Variants in ALK observed in about 807,000 individuals in gnomAD.
ALK encodes ALK receptor tyrosine kinase.
In ALK, 74 loss-of-function variants were observed where a neutral mutation model predicts 163.1. The ratio of observed to expected loss-of-function variants is 0.45; its 90% CI spans 0.38 to 0.55. ALK has a LOEUF of 0.55. Ranked by LOEUF, ALK falls within the 20% of genes least tolerant of loss-of-function variation. ALK has a pLI of 0.00. For synonymous variants in ALK, 960 were observed against 843.2 expected (o/e 1.14, Z -2.40); for missense variants, 2,063 against 2,105.3 (o/e 0.98, Z 0.39).
intron 3 of ALK, among the ~76,000 whole-genome samples, chr2:29,628,280 T>G (rs1676254700): frequency 6.6e-6 from 1 of 152,214 alleles, no homozygotes; most frequent in Non-Finnish European, 1.5e-5. Flanking sequence ...CCTTACATCC[T>G]CCCACAAAAC....
At position 29,801,238 on chromosome 2, in the gene ALK, G is replaced by A. The variant is rs186788450; in HGVS notation, c.668-83541C>T. 1.6e-3 allele frequency among the ~76,000 whole-genome samples: 249 copies of A among 152,008 alleles called. 2 individuals carry two copies. Among genetic ancestry groups the A allele is most frequent in the African/African-American group, 5.6e-3 (234 of 41,460 alleles). ...AGTAGGCGAAGAAAACAAGAAACAT[G>A]GAAAACAATAACCCATTTGCTTTCC... On this transcript the variant is annotated intron_variant, in intron 1 of 28. Transcript: ENST00000389048.
chr2:29,870,784 A>G (rs1558526875), intron 1 of ALK, among the ~76,000 whole-genome samples: 1 of 152,312 alleles, frequency 6.6e-6, no homozygotes, highest in East Asian at 1.9e-4. Flanking sequence ...GAATTTTCTT[A>G]TCTACTTCAT....
chr2:29,445,090 T>C (rs1670639358), intron 4 of ALK, among the ~76,000 whole-genome samples: 1 of 152,178 alleles, frequency 6.6e-6, no homozygotes, highest in Admixed American at 6.5e-5. Flanking sequence ...ATTGTGTGTC[T>C]CCCCTGAGCC....
chr2:29,458,933 C>T (rs1671021461), intron 4 of ALK, among the ~76,000 whole-genome samples: 1 of 152,126 alleles, frequency 6.6e-6, no homozygotes, highest in Non-Finnish European at 1.5e-5. Flanking sequence ...CTGCTTTTGC[C>T]TCACTGAGTG....
In ALK at chr2:29,229,053, G is replaced by A. The variant is rs2148180721; in HGVS notation, c.2646C>T (p.Gly882=). ...AGAGCAAGGAAGTGTTATCATTCCA[G>A]CCACCTCCACCACCTGCGGGAAGAG... ...GNSGAAGGGG[G]WNDNTSLLWA... is the part of the protein sequence containing the mutation. The change falls in exon 16 of 29, where the codon GGC becomes GGT. Residue 882 remains glycine (G), a synonymous_variant. Coordinates refer to ENST00000389048, the MANE Select transcript of ALK (RefSeq NM_004304.5). 6.2e-7 allele frequency: 1 copy of A among 1,613,590 alleles called. No individual in the cohort carries two copies. The highest frequency in any genetic ancestry group is 2.2e-5 in the East Asian group (1 of 44,798).
chr2:29,645,218 T>A (rs1197408609), intron 3 of ALK, among the ~76,000 whole-genome samples: 1 of 152,162 alleles, frequency 6.6e-6, no homozygotes, highest in Admixed American at 6.5e-5. Flanking sequence ...TTTGGGAAAT[T>A]ATCAAAATAA....
chr2:29,757,591 GTT>G (rs1395485457), intron 1 of ALK, among the ~76,000 whole-genome samples: 79 of 78,610 alleles, frequency 1.0e-3, no homozygotes, highest in East Asian at 3.0e-3. Context: ...GTTTTTGTTT[GTT>G]TGTGTGTGTG....
intron 8 of ALK, among the ~76,000 whole-genome samples, chr2:29,310,373 T>G (rs545699590): frequency 1.3e-5 from 2 of 152,324 alleles, no homozygotes; most frequent in East Asian, 1.9e-4. Flanking sequence ...AATCAATATT[T>G]GAAAACTACA....
intron 1 of ALK, among the ~76,000 whole-genome samples, chr2:29,818,824 G>A (rs11897665): frequency 0.26 from 39,192 of 152,202 alleles, 6,894 homozygotes; most frequent in African/African-American, 0.51. Context: ...TCTTGGTTCT[G>A]CACTCTAGCT....
chr2:29,908,563 G>C (rs1667615306), intron 1 of ALK, among the ~76,000 whole-genome samples: 1 of 152,164 alleles, frequency 6.6e-6, no homozygotes, highest in Non-Finnish European at 1.5e-5. Flanking sequence ...ATCATTCTCA[G>C]CAGATATCCT....
intron 1 of ALK, among the ~76,000 whole-genome samples, chr2:29,899,074 G>T (rs1452391356): frequency 1.3e-5 from 2 of 152,134 alleles, no homozygotes; most frequent in African/African-American, 4.8e-5. Context: ...CCCAGGACCG[G>T]CAGGTTTTGT....
chr2:29,726,407 A>G lies in ALK; in HGVS notation c.668-8710T>C, dbSNP rs1486069529. Among the ~76,000 whole-genome samples the G allele has an allele frequency of 2.0e-5, 3 of 152,208 alleles. No individual in the cohort carries two copies. In the East Asian group the frequency reaches 5.8e-4, roughly 29 times the overall value. On this transcript the variant is annotated intron_variant, in intron 1 of 28. Transcript: ENST00000389048. ...TTACCAAGCACTAAATAATTAATATACTGAAAGCGATACAAAGACACAAAG... is the reference window on the plus strand; with the variant it reads ...TTACCAAGCACTAAATAATTAATATGCTGAAAGCGATACAAAGACACAAAG...
At chr2:29,831,164 G>A (rs1241615589) in intron 1 of ALK, among the ~76,000 whole-genome samples, 2 of 44,000 alleles carry the variant, frequency 4.5e-5, no homozygotes, top group Non-Finnish European at 8.8e-5. Flanking sequence ...GGAAGAAGGA[G>A]AAGAGGAAGA....
chr2:29,247,130 C>T (rs577009693), intron 12 of ALK, among the ~76,000 whole-genome samples: 9 of 152,130 alleles, frequency 5.9e-5, no homozygotes, highest in Admixed American at 3.9e-4. Context: ...CCGGCCTCCG[C>T]GGCAGCGCCT....
At chr2:29,639,544 A>C (rs1676640174) in intron 3 of ALK, among the ~76,000 whole-genome samples, 1 of 152,252 alleles carries the variant, frequency 6.6e-6, no homozygotes, top group African/African-American at 2.4e-5. Flanking sequence ...ATAATTTAAT[A>C]AACTGAGACC....
intron 1 of ALK, among the ~76,000 whole-genome samples, chr2:29,896,017 C>T (rs906380738): frequency 2.0e-5 from 3 of 152,118 alleles, no homozygotes; most frequent in African/African-American, 7.2e-5. Flanking sequence ...CTGAATGTGT[C>T]CCTAGGATCC....
intron 1 of ALK, among the ~76,000 whole-genome samples, chr2:29,734,773 T>C (rs1009991652): frequency 6.6e-6 from 1 of 152,066 alleles, no homozygotes; most frequent in South Asian, 2.1e-4. Flanking sequence ...TACTTTTCAC[T>C]TATTGAATTA....
At chr2:29,225,320 G>A (rs1020987989) in intron 19 of ALK, 141 bp downstream of exon 19, 2 of 785,900 alleles carry the variant, frequency 2.5e-6, no homozygotes, top group South Asian at 1.6e-5. Context: ...GGCTTGGCCT[G>A]GGCTGCCCTA....
intron 5 of ALK, among the ~76,000 whole-genome samples, chr2:29,365,610 C>T (rs1668485720): frequency 6.6e-6 from 1 of 152,294 alleles, no homozygotes; most frequent in African/African-American, 2.4e-5. Flanking sequence ...CATCTTTTGC[C>T]AGGAGATAAT....
Sources: allele counts gnomAD v4.1 joint callset (sites outside exome capture counted in the v4.1 genomes callset), GRCh38; gene constraint gnomAD v4.1.1; transcripts MANE v1.5; gene names NCBI Gene and HGNC (gene_info 2026-07-23, HGNC 2026-07-21).